Variants in ZMYM1 observed in about 807,000 individuals in gnomAD.
ZMYM1 encodes zinc finger MYM-type protein 1.
ZMYM1 carries 39 observed loss-of-function variants against 60.0 expected under a neutral mutation model. The ratio of observed to expected loss-of-function variants is 0.65; its 90% CI spans 0.50 to 0.85. ZMYM1 has a LOEUF of 0.85. ZMYM1 is among the 40% of genes least tolerant of loss of function. The probability of loss-of-function intolerance (pLI) is 0.00; values close to 1 mark genes in which losing one functional copy is unlikely to be tolerated. For synonymous variants in ZMYM1, 413 were observed against 454.0 expected (o/e 0.91, Z 1.15); for missense variants, 1,171 against 1,309.5 (o/e 0.89, Z 1.63).
chr1:35,100,376 C>T (rs147684247), intron 4 of ZMYM1, among the ~76,000 whole-genome samples: 2,127 of 151,596 alleles, frequency 0.014, 140 homozygotes, highest in Admixed American at 0.11. Flanking sequence ...AATCCCAGCA[C>T]TTTGGGAGGC....
chr1:35,114,530 A>G lies in ZMYM1; in HGVS notation c.2700A>G (p.Leu900=), dbSNP rs368422199. The G allele has an allele frequency of 4.6e-5, 74 of 1,610,424 alleles. 1 individual carries two copies. The African/African-American group carries it at 7.9e-4, about 17-fold the overall frequency. Residue 900 remains leucine, a synonymous_variant, in exon 10 of 10, where the codon TTA becomes TTG. Coordinates refer to ENST00000359858, the MANE Select transcript of ZMYM1 (RefSeq NM_024772.5). The part of the protein sequence containing the change: ...SSKIEAILEC[L]SSERNDVYFK... ...AAATAGAAGCAATTTTGGAATGTTT[A>G]TCATCTGAAAGAAATGACGTATACT...
intron 1 of ZMYM1, among the ~76,000 whole-genome samples, chr1:35,081,432 A>G (rs114670743): frequency 0.015 from 2,221 of 151,894 alleles, 51 homozygotes; most frequent in African/African-American, 0.049. Flanking sequence ...CATTGTATAT[A>G]CATTAGAATT....
At chr1:35,063,406 C>A (rs909734371) in intron 1 of ZMYM1, among the ~76,000 whole-genome samples, 2 of 152,254 alleles carry the variant, frequency 1.3e-5, no homozygotes, top group African/African-American at 2.4e-5. Flanking sequence ...CTCCTGGGTT[C>A]AAGCAATCCT....
chr1:35,069,431 C>T, intron 1 of ZMYM1, among the ~76,000 whole-genome samples: 1 of 152,088 alleles, frequency 6.6e-6, no homozygotes, highest in East Asian at 1.9e-4. Flanking sequence ...ATTTTAAAAT[C>T]AGATTATCTG....
chr1:35,117,366 G>T (rs1275382880), downstream of ZMYM1, among the ~76,000 whole-genome samples: 1 of 151,910 alleles, frequency 6.6e-6, no homozygotes, highest in Non-Finnish European at 1.5e-5. Flanking sequence ...TGCCCAGGCT[G>T]GAGTGTACGG....
Position 35,114,684 on chromosome 1 carries a change from AAT to A in ZMYM1, c.2857_2858del (p.Met953ValfsTer11). On this transcript the variant is annotated frameshift_variant, in exon 10 of 10. Transcript: ENST00000359858. LOFTEE classifies it low-confidence loss of function (END_TRUNC). ...QKSVDLGNSD[N>X]MFFPTSTEEQ... is the part of the protein sequence containing the mutation. ...ATCAGTAGATCTTGGCAATTCAGAT[AAT>A]ATGTTTTTTCCTACTTCAACAGAAG... 6.4e-7 allele frequency: 1 copy of A among 1,567,672 alleles called. No individual in the cohort carries two copies. Among genetic ancestry groups the A allele is most frequent in the Non-Finnish European group, 8.5e-7 (1 of 1,171,656 alleles).
At chr1:35,106,842 TTG>T (rs1353143765) in intron 6 of ZMYM1, among the ~76,000 whole-genome samples, 4 of 146,432 alleles carry the variant, frequency 2.7e-5, no homozygotes, top group African/African-American at 1.1e-4. Context: ...TTGTTTTTTG[TTG>T]TTGTTGTTGT....
intron 9 of ZMYM1, among the ~76,000 whole-genome samples, chr1:35,112,373 T>C (rs1224532772): frequency 6.6e-6 from 1 of 151,254 alleles, no homozygotes; most frequent in African/African-American, 2.4e-5. Context: ...AGAAGGGGTT[T>C]CACCATGTTG....
intron 7 of ZMYM1, among the ~76,000 whole-genome samples, chr1:35,110,776 C>CA (rs1172756731): frequency 2.0e-5 from 3 of 151,494 alleles, no homozygotes; most frequent in Admixed American, 6.6e-5. Context: ...ACTAAAAATA[C>CA]AAAAAAAATT....
At chr1:35,067,775 T>A (rs1359542798) in intron 1 of ZMYM1, among the ~76,000 whole-genome samples, 1 of 151,416 alleles carries the variant, frequency 6.6e-6, no homozygotes, top group Non-Finnish European at 1.5e-5. Context: ...CTTGGGAGGC[T>A]AGGGAGGGAG....
At chr1:35,073,445 C>T (rs184456720) in intron 1 of ZMYM1, among the ~76,000 whole-genome samples, 18 of 150,744 alleles carry the variant, frequency 1.2e-4, no homozygotes, top group African/African-American at 3.7e-4. Context: ...TGCCTGTAGT[C>T]CCAGCTACTC....
At position 35,113,119 on chromosome 1, in the gene ZMYM1, C is replaced by G; in HGVS notation, c.1289C>G (p.Ser430Cys). Residue 430 changes from serine to cysteine, a missense_variant, in exon 10 of 10, where the codon TCT becomes TGT. Transcript: ENST00000359858. ...STEVQKDNMK[S>C]MKISDELCHP... is the part of the protein sequence containing the mutation. The stretch of plus-strand genomic sequence containing the variant: ...GAAGTACAAAAAGACAATATGAAAT[C>G]TATGAAAATAAGTGATGAACTATGT... 5.0e-6 allele frequency: 8 copies of G among 1,613,876 alleles called. No homozygotes were observed. Among genetic ancestry groups the G allele is most frequent in the Non-Finnish European group, 6.8e-6 (8 of 1,179,918 alleles).
At chr1:35,098,876 A>ACT (rs10628233) in intron 4 of ZMYM1, among the ~76,000 whole-genome samples, 134,372 of 151,978 alleles carry the variant, frequency 0.88, 59,625 homozygotes, top group Non-Finnish European at 0.93. Context: ...CACTGCACTG[A>ACT]CTGTCTCAAA....
intron 1 of ZMYM1, among the ~76,000 whole-genome samples, chr1:35,073,313 GAAAA>G (rs956936374): frequency 8.4e-6 from 1 of 119,054 alleles, no homozygotes; most frequent in African/African-American, 3.2e-5. Context: ...AAGGAAGGAA[GAAAA>G]AAAGAAAGGG....
upstream of ZMYM1, among the ~76,000 whole-genome samples, chr1:35,075,346 T>C (rs894701118): frequency 6.6e-6 from 1 of 152,092 alleles, no homozygotes; most frequent in Admixed American, 6.5e-5. Flanking sequence ...TTTTGTTTTT[T>C]TTGAGTCAGA....
In ZMYM1 at chr1:35,104,488, C is replaced by T; in HGVS notation, c.594+19C>T. On this transcript the variant is annotated intron_variant, in intron 5 of 9. Coordinates refer to ENST00000359858, the MANE Select transcript of ZMYM1 (RefSeq NM_024772.5). ...TGCTATTGTAAGTTCCAATTATAAC[C>T]TTTACAGGGATTCTGATGATTCTGC... The T allele has an allele frequency of 6.2e-7, 1 of 1,610,334 alleles. No homozygotes were observed. Among genetic ancestry groups the T allele is most frequent in the Non-Finnish European group, 8.5e-7 (1 of 1,177,508 alleles).
chr1:35,098,228 A>T (rs1479191428), intron 4 of ZMYM1, among the ~76,000 whole-genome samples: 2 of 152,142 alleles, frequency 1.3e-5, no homozygotes, highest in Non-Finnish European at 2.9e-5. Flanking sequence ...ATAATATTAT[A>T]TTTCTTTTAT....
At chr1:35,096,173 G>A (rs372277932) in intron 3 of ZMYM1, among the ~76,000 whole-genome samples, 2 of 152,014 alleles carry the variant, frequency 1.3e-5, no homozygotes, top group African/African-American at 2.4e-5. Flanking sequence ...TTAGCCAGGC[G>A]TGGTGGCGCA....
chr1:35,111,821 A>C lies in ZMYM1; in HGVS notation c.1011A>C (p.Pro337=), dbSNP rs1230628102. Residue 337 remains proline (P), a synonymous_variant, in exon 8 of 10, where the codon CCA becomes CCC. Transcript: ENST00000359858. ...VHDTSTELLS[P]KKDTTPVISN... is the part of the protein sequence containing the mutation. ...ATACTTCAACAGAGCTTCTTTCTCC[A>C]AAGAAAGATACGACTCCAGTTATAA... The C allele has an allele frequency of 1.9e-6, 3 of 1,607,966 alleles. No homozygotes were observed. The African/African-American group carries it at 4.0e-5, about 21-fold the overall frequency.
Sources: allele counts gnomAD v4.1 joint callset (sites outside exome capture counted in the v4.1 genomes callset), GRCh38; gene constraint gnomAD v4.1.1; transcripts MANE v1.5; gene names NCBI Gene and HGNC (gene_info 2026-07-23, HGNC 2026-07-21).